TRPC4: variants seen among roughly 807,000 people sequenced by gnomAD.
TRPC4 encodes the protein transient receptor potential cation channel subfamily C member 4.
A neutral mutation model predicts 99.4 loss-of-function variants in TRPC4; 49 were observed. The ratio of observed to expected loss-of-function variants is 0.49; its 90% CI spans 0.39 to 0.63. The LOEUF (loss-of-function observed/expected upper bound fraction) is 0.63. Ranked by LOEUF, TRPC4 falls within the 20% of genes least tolerant of loss-of-function variation. The pLI is 0.00. For missense variants in TRPC4, 898 were observed against 1,152.9 expected, an observed-to-expected ratio of 0.78 and a Z score of 3.20; for synonymous variants, 454 against 425.9, an observed-to-expected ratio of 1.07 and a Z score of -0.81.
chr13:37,676,533 C>G (rs547388081), intron 4 of TRPC4, among the ~76,000 whole-genome samples: 1 of 151,902 alleles, frequency 6.6e-6, no homozygotes, highest in East Asian at 1.9e-4. Context: ...CTACCCCATC[C>G]GGCTAATTTT....
chr13:37,745,900 T>C (rs780569177), intron 3 of TRPC4, 37 bp downstream of exon 3: 4 of 1,578,740 alleles, frequency 2.5e-6, no homozygotes, highest in Admixed American at 1.8e-5. Flanking sequence ...GATTAAACTC[T>C]ATGGCATTTT....
In TRPC4 at chr13:37,655,381, AT is replaced by A. The variant is rs1216380791; in HGVS notation, c.1689-99del. The A allele has an allele frequency of 1.8e-4, 73 of 415,242 alleles. 1 individual carries two copies. Among genetic ancestry groups the A allele is most frequent in the Non-Finnish European group, 2.2e-4 (59 of 272,568 alleles). 25.7% of individuals were successfully genotyped at this position (415,242 alleles called of 1,614,324 possible). ...TTGGCATGATTATATATATATATAT[AT>A]ATAATTAACTTAAACATTAATATCA... On this transcript the variant is annotated intron_variant, in intron 6 of 10. Transcript: ENST00000379705.
At chr13:37,812,671 C>T (rs1957736383) in intron 1 of TRPC4, among the ~76,000 whole-genome samples, 1 of 151,866 alleles carries the variant, frequency 6.6e-6, no homozygotes, top group South Asian at 2.1e-4. Flanking sequence ...ATTAGTGCCT[C>T]TTGAGAGAGA....
At chr13:37,730,206 A>T (rs1388782754) in intron 3 of TRPC4, among the ~76,000 whole-genome samples, 3 of 152,008 alleles carry the variant, frequency 2.0e-5, no homozygotes, top group Admixed American at 6.6e-5. Flanking sequence ...TAAAAAACAC[A>T]TTAGTATATT....
chr13:37,862,161 C>T (rs1769084022), intron 1 of TRPC4, among the ~76,000 whole-genome samples: 1 of 151,364 alleles, frequency 6.6e-6, no homozygotes, highest in South Asian at 2.1e-4. Flanking sequence ...ATCTCTTAAG[C>T]CAAGGTCTCT....
chr13:37,851,850 G>A lies in TRPC4; in HGVS notation c.-28+17745C>T, dbSNP rs564427379. Among the ~76,000 whole-genome samples the A allele has an allele frequency of 5.3e-5, 8 of 152,256 alleles. No homozygotes were observed. The South Asian group carries it at 1.7e-3, about 32-fold the overall frequency. ...GAGGAGGGAGAGCACAGCAACAGGT[G>A]GACATTACTTTGAACTCAGTGCTGC... On this transcript the variant is annotated intron_variant, in intron 1 of 10. Transcript: ENST00000379705.
chr13:37,710,513 T>G (rs926164497), intron 3 of TRPC4, among the ~76,000 whole-genome samples: 2 of 151,946 alleles, frequency 1.3e-5, no homozygotes, highest in African/African-American at 4.8e-5. Context: ...TCATTCCTAT[T>G]TTTCAGCTAT....
At chr13:37,759,289 G>T (rs1956167081) in intron 2 of TRPC4, among the ~76,000 whole-genome samples, 1 of 151,798 alleles carries the variant, frequency 6.6e-6, no homozygotes, top group African/African-American at 2.4e-5. Flanking sequence ...ATATTTAAAT[G>T]TAAAAAACAA....
intron 5 of TRPC4, among the ~76,000 whole-genome samples, chr13:37,671,572 A>G (rs950646147): frequency 7.7e-5 from 9 of 117,324 alleles, no homozygotes; most frequent in African/African-American, 2.6e-4. Context: ...AGCAAAGACA[A>G]AAGTAAAAAA....
chr13:37,848,765 A>T (rs1958979311), intron 1 of TRPC4, among the ~76,000 whole-genome samples: 1 of 152,214 alleles, frequency 6.6e-6, no homozygotes, highest in East Asian at 1.9e-4. Flanking sequence ...TCATGAAGAA[A>T]AAGTGGAATA....
At chr13:37,639,351 T>A (rs752710689) in intron 8 of TRPC4, 52 bp from the exon 9 acceptor site, 1 of 1,518,886 alleles carries the variant, frequency 6.6e-7, no homozygotes. Flanking sequence ...ATTACTATTC[T>A]AAAAAATAAT....
chr13:37,772,534 T>C (rs1033177436), intron 2 of TRPC4, among the ~76,000 whole-genome samples: 4 of 151,790 alleles, frequency 2.6e-5, no homozygotes, highest in Non-Finnish European at 4.4e-5. Flanking sequence ...TATATGCATA[T>C]ATACACATAC....
chr13:37,694,785 G>A (rs77698101), intron 3 of TRPC4, among the ~76,000 whole-genome samples: 1,904 of 152,268 alleles, frequency 0.013, 18 homozygotes, highest in Non-Finnish European at 0.019. Flanking sequence ...AGAAGAGCAG[G>A]AGTGAGTGTG....
At chr13:37,711,341 G>A (rs551073308) in intron 3 of TRPC4, among the ~76,000 whole-genome samples, 2 of 152,024 alleles carry the variant, frequency 1.3e-5, no homozygotes, top group African/African-American at 4.8e-5. Context: ...AGGGTTTATG[G>A]TATAAGCAAT....
intron 1 of TRPC4, among the ~76,000 whole-genome samples, chr13:37,850,732 T>C (rs1038165036): frequency 6.6e-6 from 1 of 152,076 alleles, no homozygotes; most frequent in Non-Finnish European, 1.5e-5. Flanking sequence ...TAAATATAAA[T>C]AAATATGAAA....
At chr13:37,845,703 A>G (rs1437735198) in intron 1 of TRPC4, among the ~76,000 whole-genome samples, 2 of 152,088 alleles carry the variant, frequency 1.3e-5, no homozygotes, top group Non-Finnish European at 1.5e-5. Flanking sequence ...TTTGCATAGT[A>G]GGAATTCATG....
intron 1 of TRPC4, among the ~76,000 whole-genome samples, chr13:37,833,802 G>A (rs757480052): frequency 6.6e-6 from 1 of 151,974 alleles, no homozygotes; most frequent in Non-Finnish European, 1.5e-5. Context: ...CCACCCATTT[G>A]GCTTTCCAGG....
intron 3 of TRPC4, among the ~76,000 whole-genome samples, chr13:37,712,322 GC>G (rs35841439): frequency 1.3e-5 from 2 of 152,088 alleles, no homozygotes; most frequent in Non-Finnish European, 2.9e-5. Context: ...CACTTATAGA[GC>G]CCCTTTTATA....
At chr13:37,697,183 G>C (rs996228182) in intron 3 of TRPC4, among the ~76,000 whole-genome samples, 1 of 152,060 alleles carries the variant, frequency 6.6e-6, no homozygotes, top group African/African-American at 2.4e-5. Flanking sequence ...CATCATATGT[G>C]AGTCAGACAG....
Sources: allele counts gnomAD v4.1 joint callset (sites outside exome capture counted in the v4.1 genomes callset), GRCh38; gene constraint gnomAD v4.1.1; transcripts MANE v1.5; gene names NCBI Gene and HGNC (gene_info 2026-07-23, HGNC 2026-07-21).